ZFAND3: variants seen among roughly 807,000 people sequenced by gnomAD.
ZFAND3 encodes AN1-type zinc finger protein 3.
In ZFAND3, 10 loss-of-function variants were observed where a neutral mutation model predicts 29.6. That is an observed-to-expected ratio of 0.34 (90% confidence interval 0.21 to 0.57). The LOEUF is 0.57. Among genes scored for constraint, ZFAND3 ranks in the 20% least tolerant of loss-of-function variants. ZFAND3 has a pLI of 0.86. For missense variants in ZFAND3, 230 were observed against 304.5 expected (o/e 0.76, Z 1.82); for synonymous variants, 128 against 112.6 (o/e 1.14, Z -0.87).
chr6:38,057,608 G>T (rs751129212), intron 2 of ZFAND3, among the ~76,000 whole-genome samples: 1 of 152,148 alleles, frequency 6.6e-6, no homozygotes, highest in African/African-American at 2.4e-5. Context: ...AAAGATTAAA[G>T]AATTTGCTTT....
At chr6:38,024,812 A>C (rs1030380292) in intron 2 of ZFAND3, among the ~76,000 whole-genome samples, 1 of 151,852 alleles carries the variant, frequency 6.6e-6, no homozygotes, top group African/African-American at 2.4e-5. Context: ...AGGAGAGGGA[A>C]TGGGGAGCAA....
At chr6:38,081,520 C>T (rs574059775) in intron 3 of ZFAND3, among the ~76,000 whole-genome samples, 1 of 152,096 alleles carries the variant, frequency 6.6e-6, no homozygotes, top group African/African-American at 2.4e-5. Flanking sequence ...GCCAAGTAAC[C>T]ATCTTTTACT....
intron 1 of ZFAND3, among the ~76,000 whole-genome samples, chr6:37,861,957 A>T (rs187225488): frequency 1.3e-5 from 2 of 152,208 alleles, no homozygotes; most frequent in Non-Finnish European, 2.9e-5. Context: ...AATCTTTCCC[A>T]GTGTTGTCAC....
chr6:37,836,867 T>C (rs1188508082), intron 1 of ZFAND3, among the ~76,000 whole-genome samples: 1 of 152,228 alleles, frequency 6.6e-6, no homozygotes, highest in African/African-American at 2.4e-5. Flanking sequence ...CTCATTTGTC[T>C]TGATATTTGA....
chr6:38,110,304 A>AT (rs1197754285), intron 4 of ZFAND3, among the ~76,000 whole-genome samples: 4 of 151,266 alleles, frequency 2.6e-5, no homozygotes, highest in Admixed American at 6.6e-5. Flanking sequence ...TGAGGTGGGA[A>AT]TTTTTTTTTA....
intron 2 of ZFAND3, among the ~76,000 whole-genome samples, chr6:38,040,869 A>G (rs1763746856): frequency 6.6e-6 from 1 of 152,214 alleles, no homozygotes; most frequent in African/African-American, 2.4e-5. Context: ...ATATTGATAA[A>G]CTTCTGTTAT....
intron 1 of ZFAND3, among the ~76,000 whole-genome samples, chr6:37,884,319 C>G (rs1581733237): frequency 7.0e-6 from 1 of 143,092 alleles, no homozygotes; most frequent in African/African-American, 2.9e-5. Context: ...CACAGAGAAA[C>G]CTTATCTTTA....
At chr6:38,067,195 A>G (rs1276576496) in intron 3 of ZFAND3, among the ~76,000 whole-genome samples, 1 of 152,200 alleles carries the variant, frequency 6.6e-6, no homozygotes, top group Non-Finnish European at 1.5e-5. Context: ...CACTTAGTGA[A>G]AAGTTGGCCC....
At chr6:38,113,767 C>T (rs924830255) in intron 4 of ZFAND3, among the ~76,000 whole-genome samples, 2 of 152,196 alleles carry the variant, frequency 1.3e-5, no homozygotes, top group Admixed American at 6.5e-5. Context: ...GATAATATTG[C>T]CACACTGAAA....
At chr6:38,084,384 G>A (rs1764720113) in intron 4 of ZFAND3, among the ~76,000 whole-genome samples, 1 of 152,096 alleles carries the variant, frequency 6.6e-6, no homozygotes, top group African/African-American at 2.4e-5. Flanking sequence ...TGTAAAATGG[G>A]ATGATAAATC....
intron 2 of ZFAND3, among the ~76,000 whole-genome samples, chr6:37,983,227 C>T (rs1762609573): frequency 6.6e-6 from 1 of 151,736 alleles, no homozygotes; most frequent in African/African-American, 2.4e-5. Context: ...GTTTATAAAC[C>T]CCACAGTAAT....
chr6:38,052,553 C>T (rs35597126), intron 2 of ZFAND3, among the ~76,000 whole-genome samples: 12,130 of 152,068 alleles, frequency 0.08, 601 homozygotes, highest in African/African-American at 0.14. Context: ...AGGCATTTTG[C>T]TAGGGGCTGA....
At chr6:37,955,149 T>TTGTGTG (rs3047089) in intron 2 of ZFAND3, among the ~76,000 whole-genome samples, 40,479 of 148,782 alleles carry the variant, frequency 0.27, 6,072 homozygotes, top group Non-Finnish European at 0.36. Flanking sequence ...CAACCAATTT[T>TTGTGTG]TGTGTGTGTG....
At chr6:37,910,988 A>T (rs1765510733) in intron 1 of ZFAND3, among the ~76,000 whole-genome samples, 1 of 152,206 alleles carries the variant, frequency 6.6e-6, no homozygotes, top group African/African-American at 2.4e-5. Context: ...ATTGTGAATA[A>T]TGCTGCAGTT....
rs70981524 is a variant in ZFAND3 at position 38,144,211 on chromosome 6, A to ATTATATATAT, written c.530-8024_530-8023insTTATATATAT. Among the ~76,000 whole-genome samples, 455 of 45,818 alleles carry ATTATATATAT rather than the reference A, an allele frequency of 9.9e-3. 11 individuals carry two copies. The highest frequency in any genetic ancestry group is 0.052 in the African/African-American group (417 of 8,048). 30.1% of individuals were successfully genotyped at this position (45,818 alleles called of 152,430 possible). A position where few individuals can be genotyped will look rare whatever the true frequency, so the allele number is the denominator to read the frequency against. On this transcript the variant is annotated intron_variant, in intron 5 of 5. Transcript: ENST00000287218. ...TATATATATATATATATATATATAT[A>ATTATATATAT]ATATATAATATATATATATATTTTT... is the stretch of plus-strand genomic sequence containing the variant.
At chr6:37,978,686 T>C (rs1218561691) in intron 2 of ZFAND3, among the ~76,000 whole-genome samples, 1 of 152,216 alleles carries the variant, frequency 6.6e-6, no homozygotes, top group African/African-American at 2.4e-5. Context: ...CCATTTCCTC[T>C]AACTTGTATT....
intron 5 of ZFAND3, among the ~76,000 whole-genome samples, chr6:38,119,528 T>C (rs763580711): frequency 2.6e-5 from 4 of 152,236 alleles, no homozygotes; most frequent in Non-Finnish European, 5.9e-5. Context: ...TTAAGAGCCA[T>C]TGCTATATAA....
intron 2 of ZFAND3, among the ~76,000 whole-genome samples, chr6:37,980,277 G>C (rs1029334209): frequency 6.6e-6 from 1 of 151,826 alleles, no homozygotes; most frequent in Non-Finnish European, 1.5e-5. Context: ...AACCTGCCTC[G>C]CTTGGATGTA....
chr6:37,938,477 C>T (rs181574130), intron 2 of ZFAND3, among the ~76,000 whole-genome samples: 1 of 152,288 alleles, frequency 6.6e-6, no homozygotes, highest in East Asian at 1.9e-4. Flanking sequence ...TTTTATACCA[C>T]AGTTGCAATC....
Sources: allele counts gnomAD v4.1 joint callset (sites outside exome capture counted in the v4.1 genomes callset), GRCh38; gene constraint gnomAD v4.1.1; transcripts MANE v1.5; gene names NCBI Gene and HGNC (gene_info 2026-07-23, HGNC 2026-07-21).